The following CIROZ variants were observed in gnomAD, a reference collection of about 807,000 sequenced individuals.
CIROZ encodes ciliated left-right organizer ZP-N domains-containing protein.
the CIROZ span, among the ~76,000 whole-genome samples, chr1:10,962,555 G>C: frequency 6.6e-6 from 1 of 152,136 alleles, no homozygotes; most frequent in Non-Finnish European, 1.5e-5. Flanking sequence ...AATGGGGCTG[G>C]AGTGCAGTCC....
chr1:10,973,962 C>CCGCCA, the CIROZ span, among the ~76,000 whole-genome samples: 1 of 151,478 alleles, frequency 6.6e-6, no homozygotes, highest in South Asian at 2.1e-4. Context: ...AAGGACCCCC[C>CCGCCA]CCACCAAGTC....
chr1:10,947,941 G>A, the CIROZ span: 45 of 1,613,608 alleles, frequency 2.8e-5, no homozygotes, highest in East Asian at 3.3e-4. Flanking sequence ...TCCAGGTATC[G>A]GGCCTGGTCT....
the CIROZ span, among the ~76,000 whole-genome samples, chr1:10,962,908 C>T: frequency 6.6e-6 from 1 of 152,120 alleles, no homozygotes; most frequent in East Asian, 1.9e-4. Flanking sequence ...TCGCCTGAAG[C>T]CAGGAGTTTG....
At chr1:10,964,901 G>A in the CIROZ span, among the ~76,000 whole-genome samples, 1 of 152,216 alleles carries the variant, frequency 6.6e-6, no homozygotes, top group East Asian at 1.9e-4. Context: ...AAAGTGCTGG[G>A]ATTACAGGCG....
the CIROZ span, among the ~76,000 whole-genome samples, chr1:10,956,095 C>T: frequency 6.6e-6 from 1 of 152,148 alleles, no homozygotes; most frequent in Non-Finnish European, 1.5e-5. Flanking sequence ...AAACTCAGTC[C>T]ATGATAAAAT....
chr1:10,962,558 T>G, the CIROZ span, among the ~76,000 whole-genome samples: 1 of 152,022 alleles, frequency 6.6e-6, no homozygotes, highest in Non-Finnish European at 1.5e-5. Context: ...GGGGCTGGAG[T>G]GCAGTCCAGC....
the CIROZ span, among the ~76,000 whole-genome samples, chr1:10,972,418 A>AAGAGAAACAC: frequency 1.7e-5 from 1 of 58,250 alleles, no homozygotes; most frequent in Admixed American, 1.7e-4. Context: ...CTGTCTCTGA[A>AAGAGAAACAC]ATACACACAC....
chr1:10,951,805 T>C, the CIROZ span, among the ~76,000 whole-genome samples: 2 of 149,428 alleles, frequency 1.3e-5, no homozygotes, highest in Admixed American at 1.3e-4. Flanking sequence ...AACAACTATA[T>C]CTAAACCATC....
At chr1:10,947,820 G>C in the CIROZ span, 2 of 1,600,180 alleles carry the variant, frequency 1.2e-6, no homozygotes, top group Non-Finnish European at 1.7e-6. Context: ...CACCAGGCTG[G>C]GTAGCAACAC....
At chr1:10,963,835 G>A in the CIROZ span, among the ~76,000 whole-genome samples, 9 of 152,006 alleles carry the variant, frequency 5.9e-5, no homozygotes, top group East Asian at 1.9e-4. Context: ...GTGATAACCC[G>A]ACTGGCCCCC....
chr1:10,948,293 C>G, the CIROZ span: 1 of 1,613,856 alleles, frequency 6.2e-7, no homozygotes, highest in Non-Finnish European at 8.5e-7. Context: ...AGCACGTTTC[C>G]TGGGGCTCTC....
chr1:10,947,473 T>G, the CIROZ span, among the ~76,000 whole-genome samples: 2 of 152,208 alleles, frequency 1.3e-5, no homozygotes, highest in African/African-American at 2.4e-5. Flanking sequence ...CCAGTGCCCC[T>G]GGACTCCCTG....
the CIROZ span, among the ~76,000 whole-genome samples, chr1:10,958,980 G>A: frequency 2.3e-4 from 35 of 152,260 alleles, no homozygotes; most frequent in African/African-American, 7.9e-4. Context: ...TCCTAGGCCC[G>A]GCCAAGGGGG....
chr1:10,970,201 T>G, the CIROZ span: 2 of 1,030,102 alleles, frequency 1.9e-6, no homozygotes, highest in Non-Finnish European at 2.8e-6. Context: ...CCTCTCAGCC[T>G]GGCTTCAATG....
the CIROZ span, chr1:10,954,240 G>A: frequency 5.9e-6 from 8 of 1,355,946 alleles, no homozygotes; most frequent in African/African-American, 1.5e-5. Flanking sequence ...CGGATCATGA[G>A]GTCAGGAGAT....
chr1:10,955,794 A>C, the CIROZ span, among the ~76,000 whole-genome samples: 9 of 150,402 alleles, frequency 6.0e-5, no homozygotes, highest in Non-Finnish European at 1.0e-4. Context: ...CAATGAGCCG[A>C]GATCGCACCA....
the CIROZ span, chr1:10,954,958 G>A: frequency 6.4e-7 from 1 of 1,563,606 alleles, no homozygotes; most frequent in Non-Finnish European, 8.7e-7. Context: ...AGGAAGAGAA[G>A]GGGCGAGACA....
At chr1:10,947,510 A>G in the CIROZ span, 12 of 603,236 alleles carry the variant, frequency 2.0e-5, no homozygotes, top group Non-Finnish European at 1.8e-5. Context: ...GTGGCTGAGC[A>G]CAGTGATCAT....
chr1:10,956,321 A>T, the CIROZ span, among the ~76,000 whole-genome samples: 49 of 151,810 alleles, frequency 3.2e-4, no homozygotes, highest in Non-Finnish European at 5.7e-4. Flanking sequence ...TGGTCTAGAT[A>T]GGGGGTCCCC....
Sources: allele counts gnomAD v4.1 joint callset (sites outside exome capture counted in the v4.1 genomes callset), GRCh38; gene constraint gnomAD v4.1.1; transcripts MANE v1.5; gene names NCBI Gene and HGNC (gene_info 2026-07-23, HGNC 2026-07-21).